The following ZNF462 variants were observed in gnomAD, a reference collection of about 807,000 sequenced individuals.
ZNF462 encodes zinc finger protein 462.
A neutral mutation model predicts 201.9 loss-of-function variants in ZNF462; 10 were observed. The ratio of observed to expected loss-of-function variants is 0.05; its 90% CI spans 0.03 to 0.08. ZNF462 has a LOEUF of 0.08. ZNF462 is among the 10% of genes least tolerant of loss of function. The pLI is 1.00. For missense variants in ZNF462, 2,523 were observed against 3,168.3 expected (o/e 0.80, Z 4.89); for synonymous variants, 1,227 against 1,193.3 (o/e 1.03, Z -0.58).
Position 106,885,180 on chromosome 9 carries a change from T to C in ZNF462, c.-31+21825T>C, listed in dbSNP as rs762189031. Among the ~76,000 whole-genome samples the C allele has an allele frequency of 6.6e-6, 1 of 152,238 alleles. No homozygotes were observed. Among genetic ancestry groups the C allele is most frequent in the African/African-American group, 2.4e-5 (1 of 41,466 alleles). ...GGAATTTATTTATTTTCTTTACATG[T>C]TGTCTACTCCTAAAACAACTATCAC... On this transcript the variant is annotated intron_variant, in intron 1 of 12. Coordinates refer to ENST00000277225, the MANE Select transcript of ZNF462 (RefSeq NM_021224.6). This position sits in a 1 kb window ranked among gnomAD's most constrained non-coding sequence, Gnocchi z 4.1.
chr9:106,974,385 T>A lies in ZNF462; in HGVS notation c.6832+112T>A, dbSNP rs1269656441. On this transcript the variant is annotated intron_variant, in intron 9 of 12. Transcript: ENST00000277225. This position sits in a 1 kb window ranked among gnomAD's most constrained non-coding sequence, Gnocchi z 4.0. ...TAGCACCTGTGCCTTGTTCCTCACC[T>A]TATCTTCAGGCAAGAAACCACAGTG... 1.3e-6 allele frequency: 2 copies of A among 1,516,344 alleles called. No individual in the cohort carries two copies. Among genetic ancestry groups the A allele is most frequent in the East Asian group, 2.3e-5 (1 of 44,336 alleles). The allele number at this position is 1,516,344 out of a possible 1,614,324, so 93.9% of individuals were successfully genotyped here.
rs960816709 is a variant in ZNF462 at position 107,008,605 on chromosome 9, C to T, written c.7190-940C>T. On this transcript the variant is annotated intron_variant, in intron 11 of 12. Coordinates refer to ENST00000277225, the MANE Select transcript of ZNF462 (RefSeq NM_021224.6). This position sits in a 1 kb window ranked among gnomAD's most constrained non-coding sequence, Gnocchi z 4.8. ...GTTTATTACCTACATGAAGACTTGG[C>T]CCTCTGTGGTATAATGAAACACATA... Among the ~76,000 whole-genome samples the T allele has an allele frequency of 2.6e-5, 4 of 152,156 alleles. No homozygotes were observed. Among genetic ancestry groups the T allele is most frequent in the Non-Finnish European group, 4.4e-5 (3 of 68,026 alleles).
Position 106,932,863 on chromosome 9 carries a change from G to A in ZNF462, c.6116+314G>A. The A allele has an allele frequency of 2.2e-6, 1 of 457,802 alleles. No homozygotes were observed. Among genetic ancestry groups the A allele is most frequent in the Non-Finnish European group, 3.9e-6 (1 of 257,732 alleles). The allele number at this position is 457,802 out of a possible 1,614,324, so 28.4% of individuals were successfully genotyped here. A position where few individuals can be genotyped will look rare whatever the true frequency, so the allele number is the denominator to read the frequency against. On this transcript the variant is annotated intron_variant, in intron 5 of 12. Coordinates refer to ENST00000277225, the MANE Select transcript of ZNF462 (RefSeq NM_021224.6). The surrounding 1 kb of genome is among the most constrained non-coding windows in gnomAD (Gnocchi z 6.8). The stretch of plus-strand genomic sequence containing the variant: ...TCCTGATTCATCGTTCAAACATTCA[G>A]CCAAAATCTAGTCATTGTTTGAGGA...
intron 1 of ZNF462, among the ~76,000 whole-genome samples, chr9:106,875,585 T>C (rs1293959936): frequency 1.3e-5 from 2 of 152,204 alleles, no homozygotes; most frequent in Non-Finnish European, 2.9e-5. Context: ...TTCCTCCAAA[T>C]TATGAAATTT....
At position 106,886,770 on chromosome 9, in the gene ZNF462, C is replaced by G. The variant is rs990541724; in HGVS notation, c.-31+23415C>G. The stretch of plus-strand genomic sequence containing the variant: ...CTGGTGATCCATGCTTATTCCACTA[C>G]AACAGTGTTGGCAGATAGCTTCTAT... On this transcript the variant is annotated intron_variant, in intron 1 of 12. Transcript: ENST00000277225. The surrounding 1 kb of genome is among the most constrained non-coding windows in gnomAD (Gnocchi z 4.6). Among the ~76,000 whole-genome samples, 1 of 152,158 alleles carries G rather than the reference C, an allele frequency of 6.6e-6. No individual in the cohort carries two copies. Among genetic ancestry groups the G allele is most frequent in the Non-Finnish European group, 1.5e-5 (1 of 68,028 alleles).
At chr9:106,937,022 T>C (rs1830660020) in intron 6 of ZNF462, among the ~76,000 whole-genome samples, 1 of 152,210 alleles carries the variant, frequency 6.6e-6, no homozygotes, top group South Asian at 2.1e-4. Context: ...GAGTGGGGCT[T>C]GGCTTGGAAA....
At chr9:106,931,829 C>T (rs1830439579) in intron 4 of ZNF462, among the ~76,000 whole-genome samples, 1 of 152,192 alleles carries the variant, frequency 6.6e-6, no homozygotes, top group South Asian at 2.1e-4. Context: ...GCTTCCTTTC[C>T]AGATAATGGC....
Position 106,956,714 on chromosome 9 carries a change from C to G in ZNF462, c.6428-15291C>G, listed in dbSNP as rs550891398. 6.6e-5 allele frequency among the ~76,000 whole-genome samples: 10 copies of G among 152,276 alleles called. No individual in the cohort carries two copies. The East Asian group carries it at 1.9e-3, about 29-fold the overall frequency. On this transcript the variant is annotated intron_variant, in intron 7 of 12. Transcript: ENST00000277225. Reference sequence around the variant, plus strand: ...TTAGCTATATCTTCTGGATAATCTGCTGCAGCTTCTACGTCAGCACTTGCT... The same window carrying G: ...TTAGCTATATCTTCTGGATAATCTGGTGCAGCTTCTACGTCAGCACTTGCT...
At chr9:106,896,019 A>G (rs1828796204) in intron 1 of ZNF462, among the ~76,000 whole-genome samples, 1 of 152,050 alleles carries the variant, frequency 6.6e-6, no homozygotes, top group Non-Finnish European at 1.5e-5. Context: ...TTTCTTTCCC[A>G]ATGGTCTAAT....
chr9:106,937,233 G>T (rs1830668412), intron 6 of ZNF462, among the ~76,000 whole-genome samples: 1 of 152,048 alleles, frequency 6.6e-6, no homozygotes. Flanking sequence ...TGAAAAAATA[G>T]AATAAAGAGG....
At chr9:106,906,927 A>G (rs771760116) in intron 1 of ZNF462, among the ~76,000 whole-genome samples, 1 of 152,204 alleles carries the variant, frequency 6.6e-6, no homozygotes, top group Non-Finnish European at 1.5e-5. Context: ...CATTTCCACA[A>G]CAATGCTAAC....
upstream of ZNF462, among the ~76,000 whole-genome samples, chr9:106,860,623 A>G (rs912761620): frequency 6.6e-6 from 1 of 152,214 alleles, no homozygotes; most frequent in Non-Finnish European, 1.5e-5. This position sits in a 1 kb window ranked among gnomAD's most constrained non-coding sequence, Gnocchi z 7.1. Flanking sequence ...TTCAACCTGA[A>G]ATACGATTGT....
At chr9:106,882,444 T>C (rs1230146549) in intron 1 of ZNF462, among the ~76,000 whole-genome samples, 2 of 152,260 alleles carry the variant, frequency 1.3e-5, no homozygotes, top group Admixed American at 6.5e-5. Flanking sequence ...GCTAGATTTA[T>C]AGCATTCAAT....
chr9:106,965,685 A>G (rs1045313398), intron 7 of ZNF462, among the ~76,000 whole-genome samples: 1 of 152,062 alleles, frequency 6.6e-6, no homozygotes, highest in East Asian at 1.9e-4. Context: ...GTCAGTTCTC[A>G]ATGTGGTGAG....
At chr9:106,959,477 T>G in intron 7 of ZNF462, among the ~76,000 whole-genome samples, 1 of 152,080 alleles carries the variant, frequency 6.6e-6, no homozygotes, top group South Asian at 2.1e-4. Flanking sequence ...TTGGAAGCAC[T>G]CACTATGTGC....
chr9:106,918,684 T>C (rs1829876907), intron 1 of ZNF462, among the ~76,000 whole-genome samples: 1 of 152,216 alleles, frequency 6.6e-6, no homozygotes, highest in Admixed American at 6.5e-5. Flanking sequence ...AATCTCCCAA[T>C]ACACATCACA....
At chr9:106,949,126 A>G (rs1442236313) in intron 7 of ZNF462, among the ~76,000 whole-genome samples, 7 of 152,214 alleles carry the variant, frequency 4.6e-5, no homozygotes, top group Non-Finnish European at 4.4e-5. Flanking sequence ...TTGTGAAAGG[A>G]TAAATACAAA....
At chr9:106,906,001 C>T (rs770173111) in intron 1 of ZNF462, among the ~76,000 whole-genome samples, 21 of 152,196 alleles carry the variant, frequency 1.4e-4, no homozygotes, top group Non-Finnish European at 2.2e-4. Flanking sequence ...TGGCCACCCT[C>T]CCAATGGATC....
intron 1 of ZNF462, among the ~76,000 whole-genome samples, chr9:106,901,985 C>G (rs1303764567): frequency 3.9e-5 from 6 of 152,048 alleles, no homozygotes. Context: ...AGTGGACATC[C>G]TTGTCTTGTT....
Sources: allele counts gnomAD v4.1 joint callset (sites outside exome capture counted in the v4.1 genomes callset), GRCh38; gene constraint gnomAD v4.1.1; non-coding constraint Gnocchi (gnomAD v3.1); transcripts MANE v1.5; gene names NCBI Gene and HGNC (gene_info 2026-07-23, HGNC 2026-07-21).